FNDC3B: variants seen among roughly 807,000 people sequenced by gnomAD.
FNDC3B encodes the protein fibronectin type III domain containing 3B.
In FNDC3B, 12 loss-of-function variants were observed where a neutral mutation model predicts 151.5. The ratio of observed to expected loss-of-function variants is 0.08; its 90% CI spans 0.05 to 0.13. FNDC3B has a LOEUF of 0.13. Among genes scored for constraint, FNDC3B ranks in the 10% least tolerant of loss-of-function variants. The pLI is 1.00. For synonymous variants in FNDC3B, 528 were observed against 549.0 expected, an observed-to-expected ratio of 0.96 and a Z score of 0.54; for missense variants, 1,214 against 1,505.3, an observed-to-expected ratio of 0.81 and a Z score of 3.20.
At chr3:172,086,613 A>G (rs1023872440) in intron 1 of FNDC3B, among the ~76,000 whole-genome samples, 18 of 152,238 alleles carry the variant, frequency 1.2e-4, no homozygotes, top group Non-Finnish European at 4.4e-5. Flanking sequence ...TGAAATGCTA[A>G]TAACATTTCT....
At chr3:172,246,583 T>C (rs541938088) in intron 4 of FNDC3B, among the ~76,000 whole-genome samples, 2 of 152,346 alleles carry the variant, frequency 1.3e-5, no homozygotes, top group Admixed American at 6.5e-5. Context: ...TCTACTTGGA[T>C]GAATTAGAAA....
rs1730545738 is a variant in FNDC3B, at chr3:172,295,249, G to A, written c.850-114G>A. ...AGCACCATATAAGATGTCTTTCATT[G>A]TAATTAAACTAGTTTACCTTGGATT... On this transcript the variant is annotated intron_variant, in intron 7 of 25. Coordinates refer to ENST00000415807, the MANE Select transcript of FNDC3B (RefSeq NM_022763.4). 91 of 955,034 alleles carry A rather than the reference G, an allele frequency of 9.5e-5. 1 individual carries two copies. The South Asian group carries it at 1.5e-3, about 15-fold the overall frequency. 59.2% of individuals were successfully genotyped at this position (955,034 alleles called of 1,614,324 possible).
intron 9 of FNDC3B, chr3:172,302,712 A>T (rs1403267648): frequency 1.3e-5 from 2 of 152,158 alleles, no homozygotes; most frequent in African/African-American, 2.4e-5. Flanking sequence ...ACACAAATAA[A>T]TTTTTTTGGT....
In FNDC3B at chr3:172,041,762, G is replaced by T. The variant is rs1454047841; in HGVS notation, c.-29+1991G>T. On this transcript the variant is annotated intron_variant, in intron 1 of 25. Coordinates refer to ENST00000415807, the MANE Select transcript of FNDC3B (RefSeq NM_022763.4). ...GCCCCACAGTGGATAGCAGCCGGGA[G>T]CGCTGGTTTTGTGCCTTTTGTGGGG... is the stretch of plus-strand genomic sequence containing the variant. Among the ~76,000 whole-genome samples, 6 of 152,276 alleles carry T rather than the reference G, an allele frequency of 3.9e-5. 1 individual carries two copies. The Middle Eastern group carries it at 0.017, about 432-fold the overall frequency.
chr3:172,382,289 C>T (rs1735488577), intron 25 of FNDC3B, among the ~76,000 whole-genome samples: 1 of 152,160 alleles, frequency 6.6e-6, no homozygotes, highest in African/African-American at 2.4e-5. Flanking sequence ...AGTGTCTGTT[C>T]ATATCCTTCA....
intron 22 of FNDC3B, among the ~76,000 whole-genome samples, chr3:172,358,221 A>G (rs1734192079): frequency 6.6e-6 from 1 of 152,250 alleles, no homozygotes; most frequent in Non-Finnish European, 1.5e-5. Flanking sequence ...CAGCATAGAA[A>G]TCAGAGATGA....
At chr3:172,317,181 CTTTTTTTCTTTTT>C in intron 11 of FNDC3B, 1 of 436,888 alleles carries the variant, frequency 2.3e-6, no homozygotes, top group Non-Finnish European at 4.5e-6. Context: ...TTTTCTTTTT[CTTTTTTTCTTTTT>C]TTTTTTTGAG....
Position 172,239,856 on chromosome 3 carries a change from C to CTTTTTT in FNDC3B, c.265-7652_265-7647dup, listed in dbSNP as rs71179981. Among the ~76,000 whole-genome samples the CTTTTTT allele has an allele frequency of 5.5e-3, 275 of 49,930 alleles. 44 individuals are homozygous for CTTTTTT. The highest frequency in any genetic ancestry group is 9.2e-3 in the African/African-American group (122 of 13,320). 32.8% of individuals were successfully genotyped at this position (49,930 alleles called of 152,430 possible). On this transcript the variant is annotated intron_variant, in intron 4 of 25. Transcript: ENST00000415807. ...TGTTTTTAGGAGATCCATTTTAGTT[C>CTTTTTT]TTTTTTTTTTTTTTTTTTTTTTTTT...
chr3:172,347,415 C>T, intron 21 of FNDC3B, 54 bp downstream of exon 21: 1 of 1,438,876 alleles, frequency 6.9e-7, no homozygotes, highest in Non-Finnish European at 9.3e-7. Flanking sequence ...CCATGAAAGG[C>T]ACTTTGGGAA....
At chr3:172,156,543 G>C (rs1055915570) in intron 3 of FNDC3B, among the ~76,000 whole-genome samples, 1 of 152,228 alleles carries the variant, frequency 6.6e-6, no homozygotes, top group Non-Finnish European at 1.5e-5. Context: ...TTTCCGTTGC[G>C]TTGCAAGAAG....
At chr3:172,380,823 G>A (rs1735398787) in intron 24 of FNDC3B, 143 bp from the exon 25 acceptor site, 1 of 845,132 alleles carries the variant, frequency 1.2e-6, no homozygotes, top group Admixed American at 2.3e-5. Flanking sequence ...GGTTTTATGA[G>A]AGGCTGGGCA....
At chr3:172,099,111 A>G (rs888922708) in intron 1 of FNDC3B, among the ~76,000 whole-genome samples, 2 of 152,234 alleles carry the variant, frequency 1.3e-5, no homozygotes, top group African/African-American at 4.8e-5. Context: ...TGCTTGTTAA[A>G]TCTATTTTTA....
chr3:172,156,204 A>G (rs1202508529), intron 3 of FNDC3B, among the ~76,000 whole-genome samples: 1 of 152,184 alleles, frequency 6.6e-6, no homozygotes, highest in Non-Finnish European at 1.5e-5. Flanking sequence ...TGCCTTATTA[A>G]AAAAAGTTTT....
At chr3:172,256,855 A>G (rs1728368551) in intron 6 of FNDC3B, among the ~76,000 whole-genome samples, 1 of 152,016 alleles carries the variant, frequency 6.6e-6, no homozygotes, top group Admixed American at 6.6e-5. Context: ...AATAATATGT[A>G]TGTGTGTGTG....
At chr3:172,384,905 CT>C (rs1269812295) in intron 25 of FNDC3B, among the ~76,000 whole-genome samples, 2 of 152,124 alleles carry the variant, frequency 1.3e-5, no homozygotes, top group Non-Finnish European at 2.9e-5. Context: ...CAAAGTGTTC[CT>C]TGTTGTAAAC....
intron 24 of FNDC3B, 148 bp from the exon 25 acceptor site, chr3:172,380,818 T>C (rs987043303): frequency 5.0e-4 from 403 of 805,244 alleles, no homozygotes; most frequent in Non-Finnish European, 8.3e-5. Flanking sequence ...CTGCTGGTTT[T>C]ATGAGAGGCT....
intron 8 of FNDC3B, among the ~76,000 whole-genome samples, chr3:172,296,888 C>G (rs889160658): frequency 1.3e-4 from 20 of 151,922 alleles, no homozygotes; most frequent in Non-Finnish European, 2.9e-4. Flanking sequence ...TGTATACGCT[C>G]TGTGGGGGTG....
intron 2 of FNDC3B, among the ~76,000 whole-genome samples, chr3:172,123,968 C>T (rs1377704112): frequency 6.6e-6 from 1 of 152,190 alleles, no homozygotes; most frequent in South Asian, 2.1e-4. Flanking sequence ...GAGACATTAT[C>T]CTTTCATAGA....
At chr3:172,255,379 C>T (rs1265981519) in intron 6 of FNDC3B, among the ~76,000 whole-genome samples, 2 of 152,190 alleles carry the variant, frequency 1.3e-5, no homozygotes, top group East Asian at 3.8e-4. Flanking sequence ...AGCGATTCTT[C>T]TGCCTCAGCC....
Sources: allele counts gnomAD v4.1 joint callset (sites outside exome capture counted in the v4.1 genomes callset), GRCh38; gene constraint gnomAD v4.1.1; transcripts MANE v1.5; gene names NCBI Gene and HGNC (gene_info 2026-07-23, HGNC 2026-07-21).